Variants in PHYKPL observed in about 807,000 individuals in gnomAD.
The protein encoded by PHYKPL is 5-phosphohydroxy-L-lysine phospho-lyase.
In PHYKPL, 42 loss-of-function variants were observed where a neutral mutation model predicts 51.3. That is an observed-to-expected ratio of 0.82 (90% CI 0.64 to 1.06). The LOEUF (loss-of-function observed/expected upper bound fraction) is 1.06, where lower values mean the gene tolerates loss of function less well. PHYKPL is among the 50% of genes least tolerant of loss of function. PHYKPL has a pLI of 0.00. For missense variants in PHYKPL, 655 were observed against 586.6 expected (o/e 1.12, Z -1.20); for synonymous variants, 264 against 236.0 (o/e 1.12, Z -1.09).
chr5:178,217,812 C>G (rs753164586), intron 8 of PHYKPL, among the ~76,000 whole-genome samples: 1 of 144,600 alleles, frequency 6.9e-6, no homozygotes, highest in African/African-American at 2.6e-5. Flanking sequence ...GAGCCGAGAT[C>G]ACACCACTGC....
At chr5:178,209,407 C>T in intron 12 of PHYKPL, 2 of 1,613,906 alleles carry the variant, frequency 1.2e-6, no homozygotes, top group African/African-American at 2.7e-5. Context: ...GAAACCGCAA[C>T]CGAGGGAACC....
At chr5:178,218,316 G>A (rs2113815441) in intron 8 of PHYKPL, among the ~76,000 whole-genome samples, 1 of 151,946 alleles carries the variant, frequency 6.6e-6, no homozygotes, top group East Asian at 1.9e-4. Flanking sequence ...AGAAGGAGAG[G>A]AAAGGGGCAG....
intron 1 of PHYKPL, chr5:178,231,888 C>T (rs191799977): frequency 1.5e-6 from 2 of 1,314,912 alleles, no homozygotes; most frequent in Non-Finnish European, 2.0e-6. Context: ...TGGGCCAGGG[C>T]ACCAACATTA....
chr5:178,232,427 T>C lies in PHYKPL; in HGVS notation c.59+65A>G, dbSNP rs905222720. Reference sequence around the variant, plus strand: ...CGTGCGTAGTGCGTGCGTGCGTGCGTCGTGCGTGCGCGTGCCTCTCCGCGC... The same window carrying C: ...CGTGCGTAGTGCGTGCGTGCGTGCGCCGTGCGTGCGCGTGCCTCTCCGCGC... On this transcript the variant is annotated intron_variant, in intron 1 of 12. Transcript: ENST00000308158. The C allele has an allele frequency of 3.7e-6, 5 of 1,365,496 alleles. No homozygotes were observed. The South Asian group carries it at 5.1e-5, about 14-fold the overall frequency. The allele number at this position is 1,365,496 out of a possible 1,614,324, so 84.6% of individuals were successfully genotyped here.
intron 12 of PHYKPL, chr5:178,210,156 G>A (rs1434758724): frequency 2.5e-6 from 4 of 1,613,960 alleles, no homozygotes; most frequent in Non-Finnish European, 3.4e-6. Context: ...TGGAATCAGG[G>A]CTACGGCAAC....
At chr5:178,226,874 G>T (rs1433738959) in intron 3 of PHYKPL, among the ~76,000 whole-genome samples, 1 of 152,124 alleles carries the variant, frequency 6.6e-6, no homozygotes, top group Non-Finnish European at 1.5e-5. Context: ...AGGAACTGTG[G>T]ACGAAAATGA....
At chr5:178,226,861 G>T (rs1396535425) in intron 3 of PHYKPL, among the ~76,000 whole-genome samples, 1 of 152,174 alleles carries the variant, frequency 6.6e-6, no homozygotes, top group Non-Finnish European at 1.5e-5. Flanking sequence ...GGAGTTATGA[G>T]CCAGGAACTG....
At chr5:178,226,111 T>C (rs1210228743) in intron 3 of PHYKPL, 1 of 147,558 alleles carries the variant, frequency 6.8e-6, no homozygotes, top group Non-Finnish European at 1.5e-5. Context: ...AGTCTCACTC[T>C]GTTGCCCGGG....
chr5:178,213,908 A>G (rs573186775), intron 10 of PHYKPL, among the ~76,000 whole-genome samples: 5 of 152,078 alleles, frequency 3.3e-5, no homozygotes, highest in African/African-American at 9.6e-5. Flanking sequence ...TGACTTACCC[A>G]TTTCCTCACT....
chr5:178,209,285 C>CTGAG, intron 12 of PHYKPL: 1 of 1,500,442 alleles, frequency 6.7e-7, no homozygotes. Flanking sequence ...AGTCACTGCC[C>CTGAG]TGAGTTTGTC....
rs755111654 is a variant in PHYKPL at position 178,210,231 on chromosome 5, C to T, written c.*32-1316G>A. The stretch of plus-strand genomic sequence containing the variant: ...CCTGGCTATGGCGGCTACGACTACT[C>T]GCCCTATGGCTATTACGGCTACGGC... On this transcript the variant is annotated intron_variant, in intron 12 of 12. Coordinates refer to ENST00000308158, the MANE Select transcript of PHYKPL (RefSeq NM_153373.4). 2.5e-5 allele frequency: 40 copies of T among 1,612,748 alleles called. No homozygotes were observed. The African/African-American group carries it at 3.5e-4, about 14-fold the overall frequency.
rs1465462715 is a variant in PHYKPL, at chr5:178,223,474, G to A, written c.619-540C>T. The A allele has an allele frequency of 6.6e-6, 3 of 456,236 alleles. 1 individual carries two copies. In the Admixed American group the frequency reaches 7.0e-5, roughly 11 times the overall value. 28.3% of individuals were successfully genotyped at this position (456,236 alleles called of 1,614,324 possible). A position where few individuals can be genotyped will look rare whatever the true frequency, so the allele number is the denominator to read the frequency against. On this transcript the variant is annotated intron_variant, in intron 6 of 12. Coordinates refer to ENST00000308158, the MANE Select transcript of PHYKPL (RefSeq NM_153373.4). ...TCACTGTTGTTTAAAACCCCTCAGT[G>A]ACCCCTTCTGCATATGGCAATGATT...
Position 178,232,468 on chromosome 5 carries a change from GCCGC to G in PHYKPL, c.59+20_59+23del. 1 of 1,179,436 alleles carries G rather than the reference GCCGC, an allele frequency of 8.5e-7. No individual in the cohort carries two copies. The highest frequency in any genetic ancestry group is 1.1e-6 in the Non-Finnish European group (1 of 946,574). 73.1% of individuals were successfully genotyped at this position (1,179,436 alleles called of 1,614,324 possible). On this transcript the variant is annotated intron_variant, in intron 1 of 12. Transcript: ENST00000308158. ...CTCTCCGCGCAGCCCCGCGCCCCCC[GCCGC>G]CCGCCCCCCGCCCGGGTACCTGATG... is the stretch of plus-strand genomic sequence containing the variant.
At chr5:178,228,921 G>A (rs1223471951) in intron 3 of PHYKPL, among the ~76,000 whole-genome samples, 5 of 152,024 alleles carry the variant, frequency 3.3e-5, no homozygotes, top group Non-Finnish European at 7.4e-5. Context: ...TCCCCACTTG[G>A]CGGAGAAGGC....
Position 178,232,501 on chromosome 5 carries a change from C to A in PHYKPL, c.50G>T (p.Arg17Leu). Residue 17 changes from arginine to leucine, a missense_variant, in exon 1 of 13, where the codon CGG (arginine) becomes CTG (leucine). Physicochemically the swap from Arg to Leu is moderately radical, Grantham distance 102. Coordinates refer to ENST00000308158, the MANE Select transcript of PHYKPL (RefSeq NM_153373.4). Reference protein sequence around the residue: ...PKADTLALRQRLISSSCRLFF... With the variant: ...PKADTLALRQLLISSSCRLFF... Reference sequence around the variant, plus strand: ...CCCCCCGCCCGGGTACCTGATGAGCCGTTGCCTCAGGGCCAGCGTGTCGGC... The same window carrying A: ...CCCCCCGCCCGGGTACCTGATGAGCAGTTGCCTCAGGGCCAGCGTGTCGGC... 2.2e-6 allele frequency: 3 copies of A among 1,355,090 alleles called. No homozygotes were observed. The highest frequency in any genetic ancestry group is 1.9e-6 in the Non-Finnish European group (2 of 1,062,670). The allele number at this position is 1,355,090 out of a possible 1,614,324, so 83.9% of individuals were successfully genotyped here.
At chr5:178,231,939 C>A in intron 1 of PHYKPL, 1 of 1,265,888 alleles carries the variant, frequency 7.9e-7, no homozygotes, top group South Asian at 1.3e-5. Context: ...TTGCCAGCCA[C>A]GTGGCCCTGC....
intron 4 of PHYKPL, chr5:178,225,024 T>G (rs1487970505): frequency 3.2e-5 from 18 of 561,906 alleles, no homozygotes; most frequent in Non-Finnish European, 4.7e-5. Context: ...TTAAATGTGT[T>G]GATATTGTCA....
At chr5:178,210,958 A>G (rs1374193675) in intron 12 of PHYKPL, 9 of 305,452 alleles carry the variant, frequency 2.9e-5, no homozygotes, top group Non-Finnish European at 5.5e-5. Context: ...GTATCTTAGG[A>G]AACCAGTGTC....
intron 3 of PHYKPL, among the ~76,000 whole-genome samples, chr5:178,227,776 G>A (rs1485376698): frequency 1.3e-5 from 2 of 152,208 alleles, no homozygotes; most frequent in Non-Finnish European, 1.5e-5. Flanking sequence ...GAGTTGACAA[G>A]AATAAAAGTA....
Sources: gnomAD v4.1 joint callset for allele counts (sites outside exome capture counted in the v4.1 genomes callset) on GRCh38, gnomAD v4.1.1 for gene constraint, MANE v1.5 for transcripts, NCBI Gene and HGNC (gene_info 2026-07-23, HGNC 2026-07-21) for gene names.